KIF23: variants seen among roughly 807,000 people sequenced by gnomAD.
The protein encoded by KIF23 is kinesin family member 23.
Under a neutral mutation model 137.5 loss-of-function variants are expected in KIF23, and 30 were observed. That is an observed-to-expected ratio of 0.22 (90% CI 0.16 to 0.30). The LOEUF (loss-of-function observed/expected upper bound fraction) is 0.30, where lower values mean the gene tolerates loss of function less well. Among genes scored for constraint, KIF23 ranks in the 10% least tolerant of loss-of-function variants. KIF23 has a pLI of 1.00. For missense variants in KIF23, 920 were observed against 1,194.3 expected (o/e 0.77, Z 3.38); for synonymous variants, 367 against 391.1 (o/e 0.94, Z 0.73).
chr15:69,417,644 T>C, intron 3 of KIF23, 133 bp downstream of exon 3: 1 of 967,934 alleles, frequency 1.0e-6, no homozygotes, highest in Admixed American at 2.5e-5. Flanking sequence ...TTATAACCAC[T>C]GTATCTAAAG....
rs753281088 is a variant in KIF23 at position 69,414,372 on chromosome 15, G to T, written c.-94G>T. On this transcript the variant is annotated 5_prime_UTR_variant, in exon 1 of 24. Transcript: ENST00000679126. ...TCGCAGAGCACCGCGCCTTAGCCGC[G>T]AAGTTCTAGTTCTTGCTGCCGGTCC... 13 of 1,517,290 alleles carry T rather than the reference G, an allele frequency of 8.6e-6. No homozygotes were observed. Among genetic ancestry groups the T allele is most frequent in the African/African-American group, 7.0e-5 (5 of 71,756 alleles). The allele number at this position is 1,517,290 out of a possible 1,614,324, so 94.0% of individuals were successfully genotyped here. A position where few individuals can be genotyped will look rare whatever the true frequency, so the allele number is the denominator to read the frequency against.
intron 3 of KIF23, among the ~76,000 whole-genome samples, chr15:69,419,585 A>G (rs1380948395): frequency 1.3e-5 from 2 of 152,204 alleles, no homozygotes; most frequent in Non-Finnish European, 2.9e-5. Flanking sequence ...ACCCAATCAG[A>G]AACAGCACCC....
intron 3 of KIF23, among the ~76,000 whole-genome samples, chr15:69,420,111 A>G (rs568404030): frequency 6.6e-6 from 1 of 152,242 alleles, no homozygotes; most frequent in African/African-American, 2.4e-5. Context: ...CTAAAAATAC[A>G]AAAATTACCC....
In KIF23 at chr15:69,448,133, G is replaced by A. The variant is rs1053286528; in HGVS notation, c.*326G>A. 24 of 177,920 alleles carry A rather than the reference G, an allele frequency of 1.3e-4. No individual in the cohort carries two copies. The highest frequency in any genetic ancestry group is 2.5e-4 in the Non-Finnish European group (21 of 84,892). The allele number at this position is 177,920 out of a possible 1,614,324, so 11.0% of individuals were successfully genotyped here. A position where few individuals can be genotyped will look rare whatever the true frequency, so the allele number is the denominator to read the frequency against. On this transcript the variant is annotated 3_prime_UTR_variant, in exon 24 of 24. Transcript: ENST00000679126. ...TATACTTATAAACTAATTCACACAAGTGTTTGTCTTAGATGATTAAGGAAG... is the reference window on the plus strand; with the variant it reads ...TATACTTATAAACTAATTCACACAAATGTTTGTCTTAGATGATTAAGGAAG...
At chr15:69,439,002 A>G (rs1364895464) in intron 16 of KIF23, among the ~76,000 whole-genome samples, 2 of 151,334 alleles carry the variant, frequency 1.3e-5, no homozygotes, top group Non-Finnish European at 1.5e-5. Context: ...GAAGGCTGAG[A>G]TGGGAGAACA....
chr15:69,419,722 A>G (rs927813942), intron 3 of KIF23, among the ~76,000 whole-genome samples: 8 of 152,116 alleles, frequency 5.3e-5, no homozygotes, highest in African/African-American at 1.9e-4. Context: ...TATGTACCTT[A>G]TATGTTCTGT....
intron 3 of KIF23, among the ~76,000 whole-genome samples, 196 bp from the exon 4 acceptor site, chr15:69,421,451 A>C (rs527762416): frequency 5.3e-5 from 8 of 152,296 alleles, no homozygotes; most frequent in African/African-American, 1.9e-4. Context: ...ACCAGTTTAT[A>C]ATTGGTATGA....
chr15:69,433,176 G>A (rs1170637323), intron 11 of KIF23, among the ~76,000 whole-genome samples: 1 of 152,170 alleles, frequency 6.6e-6, no homozygotes, highest in Non-Finnish European at 1.5e-5. Context: ...TTTGGGTCAA[G>A]GAACGTAAAT....
At chr15:69,418,484 G>A (rs1052239646) in intron 3 of KIF23, among the ~76,000 whole-genome samples, 5 of 152,094 alleles carry the variant, frequency 3.3e-5, no homozygotes, top group Non-Finnish European at 7.3e-5. Context: ...GCACTATCGT[G>A]TGTCCAGTTG....
At chr15:69,429,085 A>C (rs1193746327) in intron 10 of KIF23, 26 bp from the exon 11 acceptor site, 2 of 1,487,172 alleles carry the variant, frequency 1.3e-6, no homozygotes, top group East Asian at 2.3e-5. Flanking sequence ...ACCCATTTTA[A>C]GTTATTGGCT....
chr15:69,436,418 A>G (rs2057481969), intron 14 of KIF23, 146 bp from the exon 15 acceptor site: 3 of 1,212,542 alleles, frequency 2.5e-6, no homozygotes, highest in African/African-American at 3.1e-5. Context: ...TATTTTGCAT[A>G]CTATGATTCT....
intron 20 of KIF23, 33 bp downstream of exon 20, chr15:69,445,074 A>C: frequency 6.4e-7 from 1 of 1,571,226 alleles, no homozygotes; most frequent in Non-Finnish European, 8.6e-7. Flanking sequence ...AGAAAAAAAT[A>C]TATTTAAAAA....
intron 3 of KIF23, among the ~76,000 whole-genome samples, 194 bp from the exon 4 acceptor site, chr15:69,421,453 T>C (rs1289452174): frequency 6.6e-6 from 1 of 152,200 alleles, no homozygotes; most frequent in East Asian, 1.9e-4. Context: ...CAGTTTATAA[T>C]TGGTATGATA....
At chr15:69,419,594 C>A (rs1433730976) in intron 3 of KIF23, among the ~76,000 whole-genome samples, 1 of 152,180 alleles carries the variant, frequency 6.6e-6, no homozygotes, top group African/African-American at 2.4e-5. Context: ...GAAACAGCAC[C>A]CCACAACCCC....
intron 11 of KIF23, among the ~76,000 whole-genome samples, chr15:69,434,155 G>A (rs762348082): frequency 9.2e-5 from 14 of 152,280 alleles, no homozygotes; most frequent in African/African-American, 1.4e-4. Flanking sequence ...AGTCTTGAAC[G>A]ACTGATCATC....
chr15:69,425,013 T>C (rs1471972339), intron 7 of KIF23, among the ~76,000 whole-genome samples: 1 of 152,274 alleles, frequency 6.6e-6, no homozygotes, highest in East Asian at 1.9e-4. Flanking sequence ...AAGTACCTTG[T>C]GTGCTTTGTA....
At position 69,432,211 on chromosome 15, in the gene KIF23, G is replaced by C. The variant is rs1348906718; in HGVS notation, c.1114+2998G>C. ...GACTGTTAGTGTTAATATAGAGTTAGGGAGTGAGAGAGAAAAGGAGATTGT... is the reference window on the plus strand; with the variant it reads ...GACTGTTAGTGTTAATATAGAGTTACGGAGTGAGAGAGAAAAGGAGATTGT... On this transcript the variant is annotated intron_variant, in intron 11 of 23. Coordinates refer to ENST00000679126, the MANE Select transcript of KIF23 (RefSeq NM_001367805.3). Among the ~76,000 whole-genome samples the C allele has an allele frequency of 2.7e-3, 3 of 1,126 alleles. No individual in the cohort carries two copies. In the Non-Finnish European group the frequency reaches 0.033, roughly 12 times the overall value. 0.7% of individuals were successfully genotyped at this position (1,126 alleles called of 152,430 possible). A position where few individuals can be genotyped will look rare whatever the true frequency, so the allele number is the denominator to read the frequency against.
intron 13 of KIF23, 132 bp from the exon 14 acceptor site, chr15:69,436,006 A>C: frequency 8.0e-7 from 1 of 1,257,172 alleles, no homozygotes. Flanking sequence ...AGTCGTGTTC[A>C]TGCCACTGCA....
intron 15 of KIF23, 69 bp downstream of exon 15, chr15:69,436,791 G>T: frequency 9.6e-7 from 1 of 1,038,872 alleles, no homozygotes; most frequent in Non-Finnish European, 1.3e-6. Flanking sequence ...GTTTCACTCT[G>T]TACCCCAGGG....
Sources: allele counts gnomAD v4.1 joint callset (sites outside exome capture counted in the v4.1 genomes callset), GRCh38; gene constraint gnomAD v4.1.1; transcripts MANE v1.5; gene names NCBI Gene and HGNC (gene_info 2026-07-23, HGNC 2026-07-21).